AGMO: variants seen among roughly 807,000 people sequenced by gnomAD.
The protein encoded by AGMO is glyceryl-ether monooxygenase.
A neutral mutation model predicts 60.2 loss-of-function variants in AGMO; 75 were observed. The ratio of observed to expected loss-of-function variants is 1.25; its 90% CI spans 1.03 to 1.51. The LOEUF (loss-of-function observed/expected upper bound fraction) is 1.51, where lower values mean the gene tolerates loss of function less well. AGMO is among the 40% of genes most tolerant of loss of function. The pLI is 0.00. For missense variants in AGMO, 763 were observed against 525.5 expected, an observed-to-expected ratio of 1.45 and a Z score of -4.42; for synonymous variants, 261 against 177.1, an observed-to-expected ratio of 1.47 and a Z score of -3.76.
At chr7:15,393,668 C>T (rs530364609) in intron 6 of AGMO, among the ~76,000 whole-genome samples, 1 of 152,228 alleles carries the variant, frequency 6.6e-6, no homozygotes, top group East Asian at 1.9e-4. Flanking sequence ...TTGTTCAACG[C>T]CTTAGGCAGG....
intron 3 of AGMO, among the ~76,000 whole-genome samples, chr7:15,461,693 C>T (rs1357984597): frequency 1.3e-5 from 2 of 152,036 alleles, no homozygotes; most frequent in African/African-American, 2.4e-5. Context: ...AAGGAAAGCA[C>T]ACTCAGTAAA....
intron 3 of AGMO, among the ~76,000 whole-genome samples, chr7:15,436,898 A>T (rs1467342408): frequency 6.6e-6 from 1 of 152,190 alleles, no homozygotes; most frequent in African/African-American, 2.4e-5. Context: ...AATTTCTTGA[A>T]TTGTAGCAAC....
At position 15,354,397 on chromosome 7, in the gene AGMO, C is replaced by CGT. The variant is rs1207924642; in HGVS notation, c.1263+11115_1263+11116dup. 1.6e-4 allele frequency among the ~76,000 whole-genome samples: 4 copies of CGT among 25,094 alleles called. 1 individual carries two copies. Among genetic ancestry groups the CGT allele is most frequent in the African/African-American group, 9.3e-4 (2 of 2,152 alleles). The allele number at this position is 25,094 out of a possible 152,430, so 16.5% of individuals were successfully genotyped here. A position where few individuals can be genotyped will look rare whatever the true frequency, so the allele number is the denominator to read the frequency against. ...GTGTGTATACACGTGTGTGTATACACGTGTGTGTACACACGTGTGTGTATA... is the reference window on the plus strand; with the variant it reads ...GTGTGTATACACGTGTGTGTATACACGTGTGTGTGTACACACGTGTGTGTATA... On this transcript the variant is annotated intron_variant, in intron 12 of 12. Coordinates refer to ENST00000342526, the MANE Select transcript of AGMO (RefSeq NM_001004320.2).
At position 15,276,244 on chromosome 7, in the gene AGMO, A is replaced by G. The variant is rs79266613; in HGVS notation, c.1264-74885T>C. On this transcript the variant is annotated intron_variant, in intron 12 of 12. Transcript: ENST00000342526. Reference sequence around the variant, plus strand: ...CAGTCTAGTGGTGACAAATACCCTTAGCATTTGTTTGTCTGGGACAGACTA... The same window carrying G: ...CAGTCTAGTGGTGACAAATACCCTTGGCATTTGTTTGTCTGGGACAGACTA... Among the ~76,000 whole-genome samples, 1,333 of 152,174 alleles carry G rather than the reference A, an allele frequency of 8.8e-3. 23 individuals are homozygous for G. The highest frequency in any genetic ancestry group is 0.031 in the African/African-American group (1,274 of 41,512).
At chr7:15,139,820 C>CAAAAAAAAA in the AGMO span, among the ~76,000 whole-genome samples, 85 of 66,124 alleles carry the variant, frequency 1.3e-3, no homozygotes, top group Middle Eastern at 0.013. Flanking sequence ...TCTCAAAAGA[C>CAAAAAAAAA]AAAAAAAAAA....
chr7:15,162,866 T>C, the AGMO span, among the ~76,000 whole-genome samples: 448 of 152,230 alleles, frequency 2.9e-3, 2 homozygotes, highest in African/African-American at 8.7e-3. Context: ...CCATATAAAT[T>C]GTAAAAGATA....
the AGMO span, among the ~76,000 whole-genome samples, chr7:15,156,857 C>T: frequency 2.0e-5 from 3 of 152,296 alleles, no homozygotes; most frequent in South Asian, 6.2e-4. Context: ...AGTCAGCCAT[C>T]TTGGCTCTCC....
At position 15,454,032 on chromosome 7, in the gene AGMO, T is replaced by A. The variant is rs542350391; in HGVS notation, c.410-22924A>T. ...TACATAAAATATGTTTATATATTTT[T>A]TATATATATATACCACTAGAGAGAA... On this transcript the variant is annotated intron_variant, in intron 3 of 12. Coordinates refer to ENST00000342526, the MANE Select transcript of AGMO (RefSeq NM_001004320.2). 4.5e-4 allele frequency among the ~76,000 whole-genome samples: 67 copies of A among 148,512 alleles called. 1 individual carries two copies. The highest frequency in any genetic ancestry group is 9.8e-4 in the African/African-American group (40 of 40,890).
At chr7:15,421,508 G>A (rs1780923952) in intron 4 of AGMO, among the ~76,000 whole-genome samples, 2 of 152,156 alleles carry the variant, frequency 1.3e-5, no homozygotes, top group Non-Finnish European at 2.9e-5. Flanking sequence ...TTTAATCACA[G>A]CAGTAGCCAT....
intron 3 of AGMO, among the ~76,000 whole-genome samples, chr7:15,500,936 A>G (rs183908663): frequency 6.6e-6 from 1 of 151,922 alleles, no homozygotes; most frequent in Admixed American, 6.6e-5. Context: ...TGTCCCCTTA[A>G]CTTCATTATT....
At chr7:15,232,437 C>CAG (rs761379821) in intron 12 of AGMO, among the ~76,000 whole-genome samples, 5 of 152,162 alleles carry the variant, frequency 3.3e-5, no homozygotes, top group African/African-American at 4.8e-5. Flanking sequence ...TCTTAGTAAA[C>CAG]CAAACTGCCT....
intron 3 of AGMO, among the ~76,000 whole-genome samples, chr7:15,486,307 T>C (rs1194931780): frequency 6.6e-6 from 1 of 152,158 alleles, no homozygotes; most frequent in Non-Finnish European, 1.5e-5. Flanking sequence ...GTATTGATTC[T>C]AGGAAGAGAT....
chr7:15,507,826 T>C (rs568834615), intron 3 of AGMO, among the ~76,000 whole-genome samples: 1 of 152,194 alleles, frequency 6.6e-6, no homozygotes, highest in East Asian at 1.9e-4. Flanking sequence ...CAGTAAACTA[T>C]TCACAGATCA....
intron 3 of AGMO, among the ~76,000 whole-genome samples, chr7:15,436,366 C>T (rs1047638566): frequency 2.6e-5 from 4 of 152,116 alleles, no homozygotes; most frequent in African/African-American, 9.7e-5. Flanking sequence ...ATGCTGATTC[C>T]TTCTAAGTGG....
intron 12 of AGMO, among the ~76,000 whole-genome samples, chr7:15,255,442 C>G (rs561050393): frequency 2.8e-4 from 41 of 147,502 alleles, no homozygotes; most frequent in African/African-American, 9.8e-4. Context: ...CAGTTCTTTA[C>G]AAACTATTTC....
the AGMO span, among the ~76,000 whole-genome samples, chr7:15,124,740 T>A: frequency 6.6e-6 from 1 of 152,068 alleles, no homozygotes; most frequent in Non-Finnish European, 1.5e-5. Context: ...GATTCAGGGA[T>A]AATATCAATT....
chr7:15,175,386 G>T, the AGMO span, among the ~76,000 whole-genome samples: 1 of 151,962 alleles, frequency 6.6e-6, no homozygotes, highest in Non-Finnish European at 1.5e-5. Context: ...ACAAAGAAGA[G>T]TAGTTTTAAC....
chr7:15,449,548 A>G (rs1781802945), intron 3 of AGMO, among the ~76,000 whole-genome samples: 1 of 152,208 alleles, frequency 6.6e-6, no homozygotes, highest in African/African-American at 2.4e-5. Context: ...TATTTGGTAC[A>G]GTAACATGCT....
intron 12 of AGMO, among the ~76,000 whole-genome samples, chr7:15,268,375 A>G (rs1583345576): frequency 6.6e-6 from 1 of 151,986 alleles, no homozygotes; most frequent in African/African-American, 2.4e-5. Context: ...ATCTCATACC[A>G]TATTATTCCC....
Sources: gnomAD v4.1 joint callset for allele counts (sites outside exome capture counted in the v4.1 genomes callset) on GRCh38, gnomAD v4.1.1 for gene constraint, MANE v1.5 for transcripts, NCBI Gene and HGNC (gene_info 2026-07-23, HGNC 2026-07-21) for gene names.